CSNK1G1: variants seen among roughly 807,000 people sequenced by gnomAD.
CSNK1G1 encodes casein kinase I isoform gamma-1.
CSNK1G1 carries 22 observed loss-of-function variants against 59.6 expected under a neutral mutation model. The ratio of observed to expected loss-of-function variants is 0.37; its 90% CI spans 0.26 to 0.53. CSNK1G1 has a LOEUF of 0.53. Ranked by LOEUF, CSNK1G1 falls within the 20% of genes least tolerant of loss-of-function variation. CSNK1G1 has a pLI of 0.89. For missense variants in CSNK1G1, 384 were observed against 519.5 expected (o/e 0.74, Z 2.54); for synonymous variants, 179 against 177.1 (o/e 1.01, Z -0.08).
intron 10 of CSNK1G1, chr15:64,181,727 A>G: frequency 1.4e-5 from 4 of 290,680 alleles, no homozygotes; most frequent in Admixed American, 4.8e-5. Flanking sequence ...TGGGAGAACA[A>G]TGCTGCTTAC....
At chr15:64,259,323 G>A in intron 2 of CSNK1G1, 82 bp from the exon 3 acceptor site, 2 of 965,034 alleles carry the variant, frequency 2.1e-6, no homozygotes, top group East Asian at 2.6e-5. Context: ...ACAGGGTCAT[G>A]AGAAAGGTTA....
At chr15:64,209,912 T>C (rs1403326161) in intron 6 of CSNK1G1, among the ~76,000 whole-genome samples, 1 of 152,174 alleles carries the variant, frequency 6.6e-6, no homozygotes, top group Non-Finnish European at 1.5e-5. Flanking sequence ...AGTTGAGCAC[T>C]AGAGGGCGAA....
At chr15:64,302,833 T>C (rs1018565988) in intron 1 of CSNK1G1, among the ~76,000 whole-genome samples, 1 of 152,188 alleles carries the variant, frequency 6.6e-6, no homozygotes, top group African/African-American at 2.4e-5. Context: ...ATCACTACAA[T>C]AGCCTCATTT....
Position 64,224,512 on chromosome 15 carries a change from T to C in CSNK1G1, c.293-7799A>G, listed in dbSNP as rs2082431386. Among the ~76,000 whole-genome samples the C allele has an allele frequency of 2.6e-5, 4 of 152,216 alleles. No homozygotes were observed. In the South Asian group the frequency reaches 8.3e-4, roughly 31 times the overall value. ...CAAAGATATGAGATAATACGTAGTA[T>C]ATCTTTTTTAAAAAAGAACAAACAA... On this transcript the variant is annotated intron_variant, in intron 4 of 11. Coordinates refer to ENST00000303052, the MANE Select transcript of CSNK1G1 (RefSeq NM_022048.5).
rs1455342188 is a variant in CSNK1G1 at position 64,225,010 on chromosome 15, T to TC, written c.293-8298_293-8297insG. On this transcript the variant is annotated intron_variant, in intron 4 of 11. Coordinates refer to ENST00000303052, the MANE Select transcript of CSNK1G1 (RefSeq NM_022048.5). ...TAGAATCCAAAATACACTTTTCTTTTTTTTTTTTTTTTTTTGGAGACAGAG... is the reference window on the plus strand; with the variant it reads ...TAGAATCCAAAATACACTTTTCTTTTCTTTTTTTTTTTTTTTGGAGACAGAG... Among the ~76,000 whole-genome samples the TC allele has an allele frequency of 8.2e-4, 122 of 149,212 alleles. 1 individual carries two copies. The highest frequency in any genetic ancestry group is 1.3e-3 in the Non-Finnish European group (89 of 67,154).
At chr15:64,220,501 CT>C (rs58347087) in intron 4 of CSNK1G1, among the ~76,000 whole-genome samples, 294 of 139,996 alleles carry the variant, frequency 2.1e-3, no homozygotes, top group Middle Eastern at 3.7e-3. Flanking sequence ...GTGTATAACT[CT>C]TTTTTTTTTT....
Position 64,169,233 on chromosome 15 carries a change from C to CTT in CSNK1G1, c.*2696_*2697dup, listed in dbSNP as rs567677530. ...GGCATTCCCACCATTTCCCTCTGCCCTTTTTTTTTTTTCTTTTTAGACAGA... is the reference window on the plus strand; with the variant it reads ...GGCATTCCCACCATTTCCCTCTGCCCTTTTTTTTTTTTTTCTTTTTAGACAGA... On this transcript the variant is annotated 3_prime_UTR_variant, in exon 12 of 12. Transcript: ENST00000303052. 1.5e-4 allele frequency: 22 copies of CTT among 145,696 alleles called. No individual in the cohort carries two copies. Among genetic ancestry groups the CTT allele is most frequent in the African/African-American group, 2.3e-4 (9 of 39,638 alleles). 9.0% of individuals were successfully genotyped at this position (145,696 alleles called of 1,614,324 possible).
chr15:64,229,902 A>ATTTTTTT (rs533868270), intron 4 of CSNK1G1, among the ~76,000 whole-genome samples: 1,572 of 43,752 alleles, frequency 0.036, 531 homozygotes, highest in Middle Eastern at 0.12. Flanking sequence ...ATGTTTGTAA[A>ATTTTTTT]TTTTTTTTTT....
chr15:64,327,283 C>T (rs1896900415), intron 1 of CSNK1G1, among the ~76,000 whole-genome samples: 1 of 150,586 alleles, frequency 6.6e-6, no homozygotes, highest in Non-Finnish European at 1.5e-5. Flanking sequence ...TGTCTGACAG[C>T]TTTGAAGAGA....
At chr15:64,295,252 G>A (rs767292127) in intron 2 of CSNK1G1, among the ~76,000 whole-genome samples, 26 of 152,026 alleles carry the variant, frequency 1.7e-4, no homozygotes, top group Non-Finnish European at 2.9e-4. Flanking sequence ...TTCCATTATT[G>A]GAACGCTAGG....
At chr15:64,355,088 G>C (rs1321004770) in intron 1 of CSNK1G1, among the ~76,000 whole-genome samples, 1 of 152,134 alleles carries the variant, frequency 6.6e-6, no homozygotes, top group Non-Finnish European at 1.5e-5. Flanking sequence ...TGGCAGGTAA[G>C]AAAGAGGCTG....
At chr15:64,270,533 G>A in intron 2 of CSNK1G1, among the ~76,000 whole-genome samples, 1 of 152,108 alleles carries the variant, frequency 6.6e-6, no homozygotes, top group Non-Finnish European at 1.5e-5. Flanking sequence ...GCCGAGATGG[G>A]CGGATCACGA....
At chr15:64,257,837 ATATT>A (rs1674832631) in intron 3 of CSNK1G1, among the ~76,000 whole-genome samples, 1 of 152,154 alleles carries the variant, frequency 6.6e-6, no homozygotes. Context: ...TAATCCTCTA[ATATT>A]CAATCTAAGA....
intron 2 of CSNK1G1, among the ~76,000 whole-genome samples, chr15:64,296,451 C>T (rs1016882743): frequency 3.9e-5 from 6 of 152,162 alleles, no homozygotes; most frequent in Admixed American, 1.3e-4. Flanking sequence ...CTTTGTATTG[C>T]AATTTGTTTT....
rs1054449570 is a variant in CSNK1G1, at chr15:64,300,571, G to A, written c.-72C>T. The A allele has an allele frequency of 2.6e-5, 38 of 1,482,950 alleles. No homozygotes were observed. Among genetic ancestry groups the A allele is most frequent in the Non-Finnish European group, 3.3e-5 (37 of 1,112,840 alleles). 91.9% of individuals were successfully genotyped at this position (1,482,950 alleles called of 1,614,324 possible). A position where few individuals can be genotyped will look rare whatever the true frequency, so the allele number is the denominator to read the frequency against. ...ATGTATACCTCTCTTCAATACAAAA[G>A]TATGTCCAAATAAATTGTAGTCAGA... is the stretch of plus-strand genomic sequence containing the variant. On this transcript the variant is annotated 5_prime_UTR_variant, in exon 2 of 12. Coordinates refer to ENST00000303052, the MANE Select transcript of CSNK1G1 (RefSeq NM_022048.5).
chr15:64,315,117 G>T (rs2140428824), intron 1 of CSNK1G1, among the ~76,000 whole-genome samples: 1 of 152,250 alleles, frequency 6.6e-6, no homozygotes, highest in East Asian at 1.9e-4. Context: ...TTACAAAAAA[G>T]ACCAAAGATA....
Position 64,179,946 on chromosome 15 carries a change from T to C in CSNK1G1, c.1214+402A>G, listed in dbSNP as rs73462575. 1.2e-3 allele frequency: 209 copies of C among 170,724 alleles called. 1 individual carries two copies. The highest frequency in any genetic ancestry group is 4.7e-3 in the African/African-American group (201 of 42,414). The allele number at this position is 170,724 out of a possible 1,614,324, so 10.6% of individuals were successfully genotyped here. A position where few individuals can be genotyped will look rare whatever the true frequency, so the allele number is the denominator to read the frequency against. ...TGGCCCTGAACTCCTTGTTCCATGA[T>C]TGTACATCCAGTTGCTAGCCCACAA... On this transcript the variant is annotated intron_variant, in intron 11 of 11. Transcript: ENST00000303052.
intron 2 of CSNK1G1, among the ~76,000 whole-genome samples, chr15:64,277,986 GAAT>G (rs945954481): frequency 2.2e-4 from 31 of 140,058 alleles, no homozygotes; most frequent in African/African-American, 8.4e-4. Flanking sequence ...TGATATATTC[GAAT>G]AATATATTAA....
At chr15:64,180,205 T>TGC in intron 11 of CSNK1G1, 143 bp downstream of exon 11, 1 of 634,648 alleles carries the variant, frequency 1.6e-6, no homozygotes, top group South Asian at 1.9e-5. Context: ...TAAGGTACCA[T>TGC]GCAAAAATTA....
Sources: gnomAD v4.1 joint callset for allele counts (sites outside exome capture counted in the v4.1 genomes callset) on GRCh38, gnomAD v4.1.1 for gene constraint, MANE v1.5 for transcripts, NCBI Gene and HGNC (gene_info 2026-07-23, HGNC 2026-07-21) for gene names.